Variants in SLC4A4 observed in about 807,000 individuals in gnomAD.
SLC4A4 encodes the protein electrogenic sodium bicarbonate cotransporter 1.
SLC4A4 carries 27 observed loss-of-function variants against 111.5 expected under a neutral mutation model. The observed-to-expected ratio is 0.24, with a 90% CI of 0.18 to 0.33. The LOEUF is 0.33. Among genes scored for constraint, SLC4A4 ranks in the 10% least tolerant of loss-of-function variants. The pLI is 1.00. For synonymous variants in SLC4A4, 443 were observed against 463.4 expected, an observed-to-expected ratio of 0.96 and a Z score of 0.57; for missense variants, 909 against 1,315.5, an observed-to-expected ratio of 0.69 and a Z score of 4.78.
At chr4:71,504,607 T>C (rs1731223925) in intron 16 of SLC4A4, among the ~76,000 whole-genome samples, 1 of 149,424 alleles carries the variant, frequency 6.7e-6, no homozygotes, top group South Asian at 2.1e-4. Flanking sequence ...TTCCTTTTGA[T>C]CTATTCTATA....
At chr4:71,491,831 A>G (rs1347709073) in intron 15 of SLC4A4, among the ~76,000 whole-genome samples, 1 of 151,890 alleles carries the variant, frequency 6.6e-6, no homozygotes, top group Non-Finnish European at 1.5e-5. Flanking sequence ...ACTCTTGCTT[A>G]TAGTGATTAG....
At chr4:71,373,631 G>T (rs1026556277) in intron 6 of SLC4A4, among the ~76,000 whole-genome samples, 5 of 152,180 alleles carry the variant, frequency 3.3e-5, no homozygotes, top group Non-Finnish European at 5.9e-5. Context: ...GGGCCATTTT[G>T]TGGAAGGTCT....
At chr4:71,229,812 GTTTTTTTT>G (rs546659911) in intron 1 of SLC4A4, among the ~76,000 whole-genome samples, 1 of 124,354 alleles carries the variant, frequency 8.0e-6, no homozygotes, top group African/African-American at 3.0e-5. Context: ...CCCCTGCGAA[GTTTTTTTT>G]TTTTTTTTTT....
At chr4:71,501,168 C>T (rs905837002) in intron 16 of SLC4A4, among the ~76,000 whole-genome samples, 6 of 152,104 alleles carry the variant, frequency 3.9e-5, no homozygotes, top group African/African-American at 1.2e-4. Context: ...ATAGCACATT[C>T]ACCTCCCTGG....
intron 2 of SLC4A4, among the ~76,000 whole-genome samples, chr4:71,171,333 T>C (rs779770368): frequency 7.9e-5 from 12 of 152,140 alleles, no homozygotes; most frequent in Non-Finnish European, 1.3e-4. Flanking sequence ...ACTTTCTTTA[T>C]GTACCTCCTA....
intron 3 of SLC4A4, among the ~76,000 whole-genome samples, chr4:71,302,676 G>A (rs1017303031): frequency 2.0e-5 from 3 of 152,168 alleles, no homozygotes; most frequent in Admixed American, 6.5e-5. Flanking sequence ...GTTTTTGACA[G>A]CCTGTTTCTA....
chr4:71,089,780 G>A (rs147498912), intron 1 of SLC4A4, among the ~76,000 whole-genome samples: 1,831 of 151,958 alleles, frequency 0.012, 47 homozygotes, highest in African/African-American at 0.042. Flanking sequence ...AGGAGTACCC[G>A]GCCATGTGAG....
chr4:71,135,661 T>G (rs1315326270), intron 2 of SLC4A4, among the ~76,000 whole-genome samples: 1 of 152,186 alleles, frequency 6.6e-6, no homozygotes, highest in Non-Finnish European at 1.5e-5. Flanking sequence ...GTTGCCACAT[T>G]TTACAATAGA....
intron 18 of SLC4A4, among the ~76,000 whole-genome samples, chr4:71,536,036 G>C (rs1018308091): frequency 3.5e-4 from 53 of 152,108 alleles, no homozygotes; most frequent in Admixed American, 3.1e-3. Flanking sequence ...CCTGCCGTGA[G>C]TAGATACTGT....
intron 5 of SLC4A4, among the ~76,000 whole-genome samples, chr4:71,352,365 A>T (rs1201960774): frequency 4.6e-5 from 7 of 151,934 alleles, no homozygotes; most frequent in Admixed American, 4.6e-4. Context: ...TCCCTTATTA[A>T]AAAAAACACA....
Position 71,553,448 on chromosome 4 carries a change from T to G in SLC4A4, c.2695-1692T>G, listed in dbSNP as rs535367405. ...TGAGGATGAGGCCAGGGATGGTCCC[T>G]TTGTGGTGGCTTTCTTTCAAGCAAG... On this transcript the variant is annotated intron_variant, in intron 20 of 25. Transcript: ENST00000264485. Among the ~76,000 whole-genome samples, 453 of 151,936 alleles carry G rather than the reference T, an allele frequency of 3.0e-3. 1 individual carries two copies. The highest frequency in any genetic ancestry group is 0.01 in the African/African-American group (432 of 41,500).
At position 71,568,747 on chromosome 4, in the gene SLC4A4, T is replaced by A. The variant is rs2149263068; in HGVS notation, c.*996T>A. The A allele has an allele frequency of 6.6e-6, 1 of 152,288 alleles. No homozygotes were observed. Among genetic ancestry groups the A allele is most frequent in the African/African-American group, 2.4e-5 (1 of 41,516 alleles). The allele number at this position is 152,288 out of a possible 1,614,324, so 9.4% of individuals were successfully genotyped here. ...CTTTCTGTAAAAATTGTATTGTATA[T>A]AATGTGATTTTTACACATACATACA... On this transcript the variant is annotated 3_prime_UTR_variant, in exon 26 of 26. Transcript: ENST00000264485.
At chr4:71,451,055 T>C (rs911687072) in intron 10 of SLC4A4, 133 bp from the exon 11 acceptor site, 1 of 708,534 alleles carries the variant, frequency 1.4e-6, no homozygotes, top group Non-Finnish European at 2.6e-6. Flanking sequence ...GTCTGTTAGA[T>C]AGCAGAAAGA....
intron 14 of SLC4A4, among the ~76,000 whole-genome samples, chr4:71,473,819 G>A (rs770507457): frequency 6.6e-6 from 1 of 151,842 alleles, no homozygotes; most frequent in Non-Finnish European, 1.5e-5. Context: ...TTTACTTTGA[G>A]GGAAATTGTT....
intron 1 of SLC4A4, among the ~76,000 whole-genome samples, chr4:71,082,752 C>T (rs1231703014): frequency 6.6e-6 from 1 of 151,930 alleles, no homozygotes; most frequent in Admixed American, 6.6e-5. Flanking sequence ...TATGTAACTC[C>T]CTGAGTCATC....
In SLC4A4 at chr4:71,223,005, T is replaced by G. The variant is rs565956397; in HGVS notation, c.-1-13571T>G. Among the ~76,000 whole-genome samples the G allele has an allele frequency of 5.3e-5, 8 of 152,220 alleles. No individual in the cohort carries two copies. The East Asian group carries it at 1.4e-3, about 26-fold the overall frequency. ...TGGAAATTAGATGCTGTGTGATACT[T>G]GTGAATTGGGGAATTTGCAAAATGG... On this transcript the variant is annotated intron_variant, in intron 1 of 25. Transcript: ENST00000264485.
At chr4:71,416,971 T>C (rs1721879827) in intron 7 of SLC4A4, among the ~76,000 whole-genome samples, 1 of 152,162 alleles carries the variant, frequency 6.6e-6, no homozygotes, top group Non-Finnish European at 1.5e-5. Flanking sequence ...GTTTTGGAAC[T>C]CGTAAAGGCC....
chr4:71,380,434 G>A (rs1560457043), intron 6 of SLC4A4, among the ~76,000 whole-genome samples: 1 of 152,186 alleles, frequency 6.6e-6, no homozygotes. Flanking sequence ...GCAGGTATGA[G>A]GACCCTACGT....
chr4:71,255,126 A>T, intron 2 of SLC4A4, 94 bp from the exon 3 acceptor site: 1 of 1,179,168 alleles, frequency 8.5e-7, no homozygotes, highest in Admixed American at 1.7e-5. Context: ...CGTTGAATTT[A>T]TAGACATTTT....
Sources: allele counts gnomAD v4.1 joint callset (sites outside exome capture counted in the v4.1 genomes callset), GRCh38; gene constraint gnomAD v4.1.1; transcripts MANE v1.5; gene names NCBI Gene and HGNC (gene_info 2026-07-23, HGNC 2026-07-21).